Variants in ASCC3 observed in about 807,000 individuals in gnomAD.
ASCC3 encodes the protein ASC-1 complex subunit P200.
ASCC3 carries 158 observed loss-of-function variants against 256.3 expected under a neutral mutation model. The ratio of observed to expected loss-of-function variants is 0.62; its 90% CI spans 0.54 to 0.70. The LOEUF (loss-of-function observed/expected upper bound fraction) is 0.70. ASCC3 is among the 30% of genes least tolerant of loss of function. ASCC3 has a pLI of 0.00. For missense variants in ASCC3, 2,259 were observed against 2,626.0 expected (o/e 0.86, Z 3.05); for synonymous variants, 948 against 883.4 (o/e 1.07, Z -1.30).
At chr6:100,749,067 G>C (rs1780819016) in intron 10 of ASCC3, among the ~76,000 whole-genome samples, 1 of 152,042 alleles carries the variant, frequency 6.6e-6, no homozygotes, top group Non-Finnish European at 1.5e-5. Context: ...TGAAGTTCAT[G>C]AAGAATCAAC....
At chr6:100,581,972 T>C (rs1771304130) in intron 36 of ASCC3, among the ~76,000 whole-genome samples, 1 of 152,136 alleles carries the variant, frequency 6.6e-6, no homozygotes, top group South Asian at 2.1e-4. Flanking sequence ...TACCATGCTG[T>C]TTTGGTTACT....
intron 10 of ASCC3, among the ~76,000 whole-genome samples, chr6:100,727,393 G>A (rs1414548113): frequency 1.3e-5 from 2 of 151,880 alleles, no homozygotes; most frequent in East Asian, 3.9e-4. Flanking sequence ...AAAGAATTAT[G>A]AGAGAGATCA....
At chr6:100,779,923 G>A (rs977971509) in intron 8 of ASCC3, among the ~76,000 whole-genome samples, 1 of 152,012 alleles carries the variant, frequency 6.6e-6, no homozygotes, top group African/African-American at 2.4e-5. Context: ...AATCTTAAAG[G>A]TGAGGACTAC....
chr6:100,735,210 G>A (rs1780093347), intron 10 of ASCC3, among the ~76,000 whole-genome samples: 1 of 151,886 alleles, frequency 6.6e-6, no homozygotes, highest in Non-Finnish European at 1.5e-5. Flanking sequence ...TGAATTTCTT[G>A]GACACCAAGA....
At chr6:100,599,624 T>C (rs1393573125) in intron 34 of ASCC3, among the ~76,000 whole-genome samples, 1 of 151,760 alleles carries the variant, frequency 6.6e-6, no homozygotes. Context: ...TGCTGCTTTG[T>C]ACTATTTTTT....
intron 25 of ASCC3, among the ~76,000 whole-genome samples, chr6:100,632,345 C>A (rs1164892276): frequency 2.0e-5 from 3 of 151,688 alleles, no homozygotes; most frequent in Non-Finnish European, 4.4e-5. Flanking sequence ...GAGAAGATAT[C>A]CCATGATCAT....
chr6:100,599,993 G>A (rs556929871), intron 34 of ASCC3, among the ~76,000 whole-genome samples: 2 of 152,000 alleles, frequency 1.3e-5, no homozygotes, highest in Non-Finnish European at 2.9e-5. Context: ...GAGGCTATTC[G>A]TTACTTTCCA....
At chr6:100,689,596 A>C (rs1418427545) in intron 13 of ASCC3, among the ~76,000 whole-genome samples, 2 of 152,226 alleles carry the variant, frequency 1.3e-5, no homozygotes, top group Non-Finnish European at 2.9e-5. Context: ...TTACAATGTT[A>C]AAAATGGTCA....
chr6:100,554,467 C>T (rs560411945), intron 36 of ASCC3, among the ~76,000 whole-genome samples: 1 of 152,278 alleles, frequency 6.6e-6, no homozygotes, highest in South Asian at 2.1e-4. Context: ...GGCACTTGTA[C>T]AGTGGGGATG....
chr6:100,666,658 T>A (rs1776489289), intron 14 of ASCC3, among the ~76,000 whole-genome samples: 1 of 152,140 alleles, frequency 6.6e-6, no homozygotes, highest in African/African-American at 2.4e-5. Flanking sequence ...CACAAAAGTA[T>A]AAGGAGCGAG....
At chr6:100,652,201 T>C (rs1775708218) in intron 18 of ASCC3, among the ~76,000 whole-genome samples, 1 of 152,056 alleles carries the variant, frequency 6.6e-6, no homozygotes, top group Non-Finnish European at 1.5e-5. Flanking sequence ...AGGTTTAGGA[T>C]ATAGAGTGGT....
At chr6:100,663,538 T>G (rs997167343) in intron 14 of ASCC3, among the ~76,000 whole-genome samples, 4 of 152,046 alleles carry the variant, frequency 2.6e-5, no homozygotes, top group African/African-American at 9.7e-5. Context: ...TTATTTTACT[T>G]AATAATGGCC....
At chr6:100,840,187 C>G (rs560538856) in intron 4 of ASCC3, among the ~76,000 whole-genome samples, 1 of 152,244 alleles carries the variant, frequency 6.6e-6, no homozygotes, top group South Asian at 2.1e-4. Context: ...TATATACCCA[C>G]AAATTAAAGA....
At chr6:100,831,960 C>G (rs886478038) in intron 4 of ASCC3, among the ~76,000 whole-genome samples, 1 of 151,796 alleles carries the variant, frequency 6.6e-6, no homozygotes, top group African/African-American at 2.4e-5. Context: ...ACTAAAAATT[C>G]CTCAGATAAT....
At chr6:100,540,511 T>A in intron 36 of ASCC3, 124 bp from the exon 37 acceptor site, 1 of 832,728 alleles carries the variant, frequency 1.2e-6, no homozygotes, top group Non-Finnish European at 1.9e-6. Flanking sequence ...CCTTAGAATT[T>A]TGCTTGTTCA....
rs182316514 is a variant in ASCC3 at position 100,676,104 on chromosome 6, G to A, written c.2286+3514C>T. ...CTTAAGACACAATCTTTGAGGGGGAGAGTATACAAGTATTAAATATGTAGG... is the reference window on the plus strand; with the variant it reads ...CTTAAGACACAATCTTTGAGGGGGAAAGTATACAAGTATTAAATATGTAGG... On this transcript the variant is annotated intron_variant, in intron 14 of 41. Coordinates refer to ENST00000369162, the MANE Select transcript of ASCC3 (RefSeq NM_006828.4). Among the ~76,000 whole-genome samples the A allele has an allele frequency of 4.0e-3, 611 of 152,142 alleles. 5 individuals are homozygous for A. Among genetic ancestry groups the A allele is most frequent in the African/African-American group, 0.013 (554 of 41,514 alleles).
intron 36 of ASCC3, among the ~76,000 whole-genome samples, chr6:100,580,996 C>G (rs924576198): frequency 7.9e-5 from 12 of 151,900 alleles, no homozygotes; most frequent in Middle Eastern, 3.4e-3. Context: ...GGACATTTGG[C>G]TTGGTTCCAA....
intron 11 of ASCC3, among the ~76,000 whole-genome samples, chr6:100,719,075 T>TA (rs1779206452): frequency 6.6e-6 from 1 of 152,124 alleles, no homozygotes; most frequent in Admixed American, 6.6e-5. Flanking sequence ...AACACTGGGT[T>TA]AGGACCTAAT....
chr6:100,570,600 T>G (rs1389881257), intron 36 of ASCC3, among the ~76,000 whole-genome samples: 2 of 152,074 alleles, frequency 1.3e-5, no homozygotes, highest in Non-Finnish European at 2.9e-5. Context: ...CTCCCCAATG[T>G]CTACATGCTA....
Sources: gnomAD v4.1 joint callset for allele counts (sites outside exome capture counted in the v4.1 genomes callset) on GRCh38, gnomAD v4.1.1 for gene constraint, MANE v1.5 for transcripts, NCBI Gene and HGNC (gene_info 2026-07-23, HGNC 2026-07-21) for gene names.